The following PCDHGA2 variants were observed in gnomAD, a reference collection of about 807,000 sequenced individuals.
PCDHGA2 encodes the protein protocadherin gamma subfamily A, 2.
Under a neutral mutation model 59.2 loss-of-function variants are expected in PCDHGA2, and 40 were observed. The observed-to-expected ratio is 0.68, with a 90% CI of 0.52 to 0.88. The LOEUF is 0.88. Among genes scored for constraint, PCDHGA2 ranks in the 40% least tolerant of loss-of-function variants. The pLI is 0.00. For synonymous variants in PCDHGA2, 560 were observed against 526.0 expected (o/e 1.06, Z -0.89); for missense variants, 1,226 against 1,204.0 (o/e 1.02, Z -0.27).
intron 1 of PCDHGA2, chr5:141,400,748 C>A: frequency 5.0e-6 from 3 of 604,576 alleles, no homozygotes; most frequent in Non-Finnish European, 8.6e-6. Context: ...TTGCTCTTAG[C>A]TTCCTCTCTA....
Position 141,389,832 on chromosome 5 carries a change from C to T in PCDHGA2, c.2424+48437C>T, listed in dbSNP as rs758113562. ...GGTCGCCGTGCGTGACGGTGGACAG[C>T]CACCACTCTCGGCCACTGCCACGTT... On this transcript the variant is annotated intron_variant, in intron 1 of 3. Coordinates refer to ENST00000394576, the MANE Select transcript of PCDHGA2 (RefSeq NM_018915.4). The T allele has an allele frequency of 2.2e-5, 36 of 1,613,848 alleles. 1 individual carries two copies. The South Asian group carries it at 3.8e-4, about 17-fold the overall frequency.
At chr5:141,360,685 C>G (rs1174520125) in intron 1 of PCDHGA2, 2 of 1,613,986 alleles carry the variant, frequency 1.2e-6, no homozygotes, top group Non-Finnish European at 1.7e-6. Context: ...CGCTGAGAAA[C>G]AGACTCCAGA....
intron 1 of PCDHGA2, chr5:141,385,537 T>A (rs1486400401): frequency 1.5e-6 from 2 of 1,341,418 alleles, no homozygotes; most frequent in Non-Finnish European, 1.9e-6. Flanking sequence ...ATTATGAATA[T>A]GTGGACTATC....
chr5:141,428,173 C>G, intron 1 of PCDHGA2: 1 of 1,514,730 alleles, frequency 6.6e-7, no homozygotes. Context: ...CTGTGCGTGA[C>G]GGAGGACAGC....
intron 1 of PCDHGA2, chr5:141,413,946 G>A: frequency 6.2e-7 from 1 of 1,613,414 alleles, no homozygotes; most frequent in Non-Finnish European, 8.5e-7. Flanking sequence ...GTGTTCCTGA[G>A]AATTTGCCTG....
chr5:141,350,980 C>T, intron 1 of PCDHGA2: 19 of 1,614,060 alleles, frequency 1.2e-5, no homozygotes, highest in Non-Finnish European at 1.5e-5. Flanking sequence ...CCGTGTTTAG[C>T]CAGGAGGTAT....
rs188283892 is a variant in PCDHGA2, at chr5:141,394,450, T to C, written c.2424+53055T>C. ...GGGGACCCGCCCCTCAGCAGCAACA[T>C]GTCACTGAGCCTGTTCGTGCTGGAC... On this transcript the variant is annotated intron_variant, in intron 1 of 3. Coordinates refer to ENST00000394576, the MANE Select transcript of PCDHGA2 (RefSeq NM_018915.4). 12 of 1,614,228 alleles carry C rather than the reference T, an allele frequency of 7.4e-6. No individual in the cohort carries two copies. In the South Asian group the frequency reaches 1.3e-4, roughly 18 times the overall value.
Position 141,356,927 on chromosome 5 carries a change from A to G in PCDHGA2, c.2424+15532A>G, listed in dbSNP as rs370703774. The G allele has an allele frequency of 5.0e-6, 8 of 1,614,044 alleles. No homozygotes were observed. The highest frequency in any genetic ancestry group is 1.1e-5 in the South Asian group (1 of 91,086). On this transcript the variant is annotated intron_variant, in intron 1 of 3. Coordinates refer to ENST00000394576, the MANE Select transcript of PCDHGA2 (RefSeq NM_018915.4). Reference sequence around the variant, plus strand: ...CCTACTGATGGCTCCACTGGTGTGGAGCTGGCACCCCGCTCCGCAGATTCC... The same window carrying G: ...CCTACTGATGGCTCCACTGGTGTGGGGCTGGCACCCCGCTCCGCAGATTCC...
chr5:141,455,255 C>T (rs1049752169), intron 1 of PCDHGA2, among the ~76,000 whole-genome samples: 16 of 152,146 alleles, frequency 1.1e-4, no homozygotes, highest in African/African-American at 3.9e-4. Flanking sequence ...AGTACAATCG[C>T]ATTTCTTCCC....
At chr5:141,382,430 T>A (rs984775517) in intron 1 of PCDHGA2, among the ~76,000 whole-genome samples, 10 of 152,106 alleles carry the variant, frequency 6.6e-5, no homozygotes, top group African/African-American at 2.4e-4. Context: ...CCCAAAAGAG[T>A]CACTTGAAAG....
intron 1 of PCDHGA2, among the ~76,000 whole-genome samples, chr5:141,369,777 G>A (rs1766479058): frequency 1.3e-5 from 2 of 152,188 alleles, no homozygotes; most frequent in South Asian, 2.1e-4. Context: ...GATATTTCAA[G>A]CCTCTTTATA....
intron 1 of PCDHGA2, chr5:141,399,835 C>T (rs756646382): frequency 1.2e-6 from 2 of 1,613,164 alleles, no homozygotes; most frequent in South Asian, 2.2e-5. Flanking sequence ...CGGCTCTGCG[C>T]TCTTCGATAT....
Position 141,340,605 on chromosome 5 carries a change from A to G in PCDHGA2, c.1634A>G (p.Asn545Ser), listed in dbSNP as rs772446057. The change falls in exon 1 of 4, where the codon AAT becomes AGT. Residue 545 changes from asparagine (N) to serine (S), a missense_variant. Asn to Ser is a conservative substitution (Grantham distance 46). Coordinates refer to ENST00000394576, the MANE Select transcript of PCDHGA2 (RefSeq NM_018915.4). Reference sequence around the variant, plus strand: ...AGCGGGAACCCTCCACTCAGTAGCAATGTATCATTAAGCCTGTTCGTGCTG... The same window carrying G: ...AGCGGGAACCCTCCACTCAGTAGCAGTGTATCATTAAGCCTGTTCGTGCTG... ...RDSGNPPLSS[N>S]VSLSLFVLDQ... 8 of 1,614,188 alleles carry G rather than the reference A, an allele frequency of 5.0e-6. No individual in the cohort carries two copies. The highest frequency in any genetic ancestry group is 2.5e-6 in the Non-Finnish European group (3 of 1,180,040).
chr5:141,378,862 C>T (rs899917720), intron 1 of PCDHGA2: 2 of 152,096 alleles, frequency 1.3e-5, no homozygotes, highest in African/African-American at 4.8e-5. Flanking sequence ...CAATGATGTT[C>T]GAATAGAAAA....
chr5:141,393,635 C>A (rs370544677), intron 1 of PCDHGA2: 1 of 1,613,750 alleles, frequency 6.2e-7, no homozygotes, highest in African/African-American at 1.3e-5. Context: ...AGGGAATCAA[C>A]GGAAAAGTGG....
At chr5:141,408,932 A>C in intron 1 of PCDHGA2, 1 of 1,613,594 alleles carries the variant, frequency 6.2e-7, no homozygotes, top group South Asian at 1.1e-5. Context: ...GGTTTTCAGC[A>C]GAGACGAATA....
intron 1 of PCDHGA2, chr5:141,378,709 C>T (rs1358072601): frequency 6.6e-6 from 1 of 152,094 alleles, no homozygotes; most frequent in Non-Finnish European, 1.5e-5. Context: ...ATAAGGCTTT[C>T]ATCATATAGG....
chr5:141,369,294 C>T (rs767666173), intron 1 of PCDHGA2, among the ~76,000 whole-genome samples: 37 of 152,084 alleles, frequency 2.4e-4, no homozygotes, highest in Non-Finnish European at 3.5e-4. Flanking sequence ...ATCCTAATAA[C>T]GCATCATTGT....
In PCDHGA2 at chr5:141,356,268, C is replaced by T. The variant is rs2149790492; in HGVS notation, c.2424+14873C>T. The T allele has an allele frequency of 1.3e-6, 2 of 1,563,386 alleles. 1 individual carries two copies. The highest frequency in any genetic ancestry group is 2.7e-5 in the African/African-American group (2 of 73,646). ...CAGTTACATCTCTCACCAGCTCAGT[C>T]CAGGAATCTTCTTCCCCGGGTACAG... On this transcript the variant is annotated intron_variant, in intron 1 of 3. Coordinates refer to ENST00000394576, the MANE Select transcript of PCDHGA2 (RefSeq NM_018915.4).
Sources: gnomAD v4.1 joint callset for allele counts (sites outside exome capture counted in the v4.1 genomes callset) on GRCh38, gnomAD v4.1.1 for gene constraint, MANE v1.5 for transcripts, NCBI Gene and HGNC (gene_info 2026-07-23, HGNC 2026-07-21) for gene names.